The following TRPC4 variants were observed in gnomAD, a reference collection of about 807,000 sequenced individuals.
TRPC4 encodes the protein short transient receptor potential channel 4.
TRPC4 carries 49 observed loss-of-function variants against 99.4 expected under a neutral mutation model. The ratio of observed to expected loss-of-function variants is 0.49; its 90% CI spans 0.39 to 0.63. The LOEUF is 0.63. Ranked by LOEUF, TRPC4 falls within the 20% of genes least tolerant of loss-of-function variation. The probability of loss-of-function intolerance (pLI) is 0.00; values close to 1 mark genes in which losing one functional copy is unlikely to be tolerated. For synonymous variants in TRPC4, 454 were observed against 425.9 expected (o/e 1.07, Z -0.81); for missense variants, 898 against 1,152.9 (o/e 0.78, Z 3.20).
intron 4 of TRPC4, among the ~76,000 whole-genome samples, chr13:37,681,840 A>G (rs1953250157): frequency 2.0e-5 from 3 of 152,234 alleles, no homozygotes; most frequent in Admixed American, 2.0e-4. Context: ...AATTACAAGC[A>G]TTGATGTCAA....
chr13:37,691,457 G>C (rs892648920), intron 4 of TRPC4, among the ~76,000 whole-genome samples: 1 of 152,200 alleles, frequency 6.6e-6, no homozygotes, highest in African/African-American at 2.4e-5. Flanking sequence ...ACAGTGATTT[G>C]CTTCAGACCC....
At chr13:37,800,104 T>C (rs1479122117) in intron 1 of TRPC4, among the ~76,000 whole-genome samples, 1 of 152,248 alleles carries the variant, frequency 6.6e-6, no homozygotes, top group Admixed American at 6.5e-5. Context: ...AATAATTTGT[T>C]AAAATGTTGT....
chr13:37,651,611 C>G (rs1159448414), intron 7 of TRPC4, 152 bp from the exon 8 acceptor site: 6 of 687,296 alleles, frequency 8.7e-6, no homozygotes, highest in Non-Finnish European at 1.5e-5. Flanking sequence ...AGACAGTCAT[C>G]TAAACATTTC....
chr13:37,802,135 A>T (rs1017662333), intron 1 of TRPC4, among the ~76,000 whole-genome samples: 5 of 152,102 alleles, frequency 3.3e-5, no homozygotes, highest in African/African-American at 1.2e-4. Flanking sequence ...ATGATTTCAA[A>T]CTTACAGAAC....
intron 3 of TRPC4, among the ~76,000 whole-genome samples, chr13:37,717,925 A>G (rs1428397680): frequency 6.6e-6 from 1 of 152,150 alleles, no homozygotes; most frequent in East Asian, 1.9e-4. Context: ...GAAGACAGTA[A>G]AAACTTGGAA....
At chr13:37,717,633 G>C (rs1400949762) in intron 3 of TRPC4, among the ~76,000 whole-genome samples, 1 of 152,042 alleles carries the variant, frequency 6.6e-6, no homozygotes, top group Non-Finnish European at 1.5e-5. Context: ...GGGAAGACCA[G>C]GTGTAAATGC....
intron 1 of TRPC4, among the ~76,000 whole-genome samples, chr13:37,785,668 C>T (rs4270046): frequency 0.97 from 148,033 of 152,136 alleles, 72,142 homozygotes; most frequent in East Asian, 1. Flanking sequence ...TTAAGACTCA[C>T]GATAGAGAAT....
chr13:37,775,722 A>G (rs1478129409), intron 2 of TRPC4, among the ~76,000 whole-genome samples: 2 of 150,706 alleles, frequency 1.3e-5, no homozygotes, highest in Non-Finnish European at 3.0e-5. Flanking sequence ...CTCATCCTGT[A>G]TTTTCATATT....
At chr13:37,716,163 A>G (rs1163862106) in intron 3 of TRPC4, among the ~76,000 whole-genome samples, 3 of 152,162 alleles carry the variant, frequency 2.0e-5, no homozygotes, top group African/African-American at 4.8e-5. Context: ...TTTAAAACAT[A>G]TCTTAATTTG....
intron 1 of TRPC4, among the ~76,000 whole-genome samples, chr13:37,796,214 T>G (rs1286265032): frequency 1.3e-5 from 2 of 152,110 alleles, no homozygotes; most frequent in Non-Finnish European, 2.9e-5. Context: ...AACAACATAA[T>G]AACAATAGCA....
chr13:37,738,458 C>A (rs1955471467), intron 3 of TRPC4, among the ~76,000 whole-genome samples: 1 of 152,098 alleles, frequency 6.6e-6, no homozygotes, highest in African/African-American at 2.4e-5. Context: ...ACAGGTGAAA[C>A]CCTAACCGAT....
Position 37,843,681 on chromosome 13 carries a change from G to GACACAC in TRPC4, c.-28+25908_-28+25913dup, listed in dbSNP as rs5802907. On this transcript the variant is annotated intron_variant, in intron 1 of 10. Transcript: ENST00000379705. ...ACTATGTCTTCAACTGATGTTTGGT[G>GACACAC]ACACACACACACACACACACACACG... Among the ~76,000 whole-genome samples, 81 of 134,134 alleles carry GACACAC rather than the reference G, an allele frequency of 6.0e-4. No homozygotes were observed. The South Asian group carries it at 9.8e-3, about 16-fold the overall frequency. 88.0% of individuals were successfully genotyped at this position (134,134 alleles called of 152,430 possible). A position where few individuals can be genotyped will look rare whatever the true frequency, so the allele number is the denominator to read the frequency against.
intron 4 of TRPC4, among the ~76,000 whole-genome samples, chr13:37,682,744 T>C (rs1280852070): frequency 6.6e-6 from 1 of 151,896 alleles, no homozygotes; most frequent in Non-Finnish European, 1.5e-5. Flanking sequence ...TTCTGTTTTG[T>C]TTTTGTCGTT....
intron 8 of TRPC4, among the ~76,000 whole-genome samples, chr13:37,641,275 A>C (rs1328148066): frequency 6.6e-6 from 1 of 152,140 alleles, no homozygotes; most frequent in Non-Finnish European, 1.5e-5. Context: ...ATGGATTGTC[A>C]AAAAGAGAGA....
At position 37,692,002 on chromosome 13, in the gene TRPC4, G is replaced by A; in HGVS notation, c.1231C>T (p.Leu411=). ...TTTTCTATAGTAACACATTTACCCA[G>A]GACCCACGGTAATATCATCCACTCG... is the stretch of plus-strand genomic sequence containing the variant. ...IVEWMILPWV[L]GFIWGEIKQM... Residue 411 remains leucine (L), a synonymous_variant, in exon 4 of 11, where the codon CTG becomes TTG. Transcript: ENST00000379705. 1 of 1,611,690 alleles carries A rather than the reference G, an allele frequency of 6.2e-7. No homozygotes were observed. Among genetic ancestry groups the A allele is most frequent in the Middle Eastern group, 1.7e-4 (1 of 6,040 alleles).
At chr13:37,846,801 A>C in intron 1 of TRPC4, among the ~76,000 whole-genome samples, 1 of 152,088 alleles carries the variant, frequency 6.6e-6, no homozygotes, top group East Asian at 1.9e-4. Context: ...ATCCAACCAT[A>C]TTTTCTTATA....
intron 1 of TRPC4, among the ~76,000 whole-genome samples, chr13:37,830,705 T>A (rs1958396198): frequency 6.7e-6 from 1 of 149,878 alleles, no homozygotes; most frequent in Non-Finnish European, 1.5e-5. Flanking sequence ...AGAGCGAAAT[T>A]CCGTTTTAAA....
chr13:37,734,639 C>A lies in TRPC4; in HGVS notation c.897+11298G>T, dbSNP rs374730807. On this transcript the variant is annotated intron_variant, in intron 3 of 10. Transcript: ENST00000379705. ...CTATGTATCAAAACATCACTATGTGCCCCAGGAATAAGTACAGTTATTAAT... is the reference window on the plus strand; with the variant it reads ...CTATGTATCAAAACATCACTATGTGACCCAGGAATAAGTACAGTTATTAAT... Among the ~76,000 whole-genome samples, 116 of 152,116 alleles carry A rather than the reference C, an allele frequency of 7.6e-4. 1 individual carries two copies. The South Asian group carries it at 0.022, about 29-fold the overall frequency.
At chr13:37,744,434 G>A (rs1487638488) in intron 3 of TRPC4, among the ~76,000 whole-genome samples, 1 of 152,084 alleles carries the variant, frequency 6.6e-6, no homozygotes, top group African/African-American at 2.4e-5. Context: ...ACTCAAAATA[G>A]CAAATGTGAT....
Sources: gnomAD v4.1 joint callset for allele counts (sites outside exome capture counted in the v4.1 genomes callset) on GRCh38, gnomAD v4.1.1 for gene constraint, MANE v1.5 for transcripts, NCBI Gene and HGNC (gene_info 2026-07-23, HGNC 2026-07-21) for gene names.